OSBPL9: variants seen among roughly 807,000 people sequenced by gnomAD.
OSBPL9 encodes the protein oxysterol-binding protein-related protein 9.
Under a neutral mutation model 106.6 loss-of-function variants are expected in OSBPL9, and 40 were observed. That is an observed-to-expected ratio of 0.38 (90% confidence interval 0.29 to 0.49). The LOEUF is 0.49. Among genes scored for constraint, OSBPL9 ranks in the 20% least tolerant of loss-of-function variants. The probability of loss-of-function intolerance (pLI) is 0.97; values close to 1 mark genes in which losing one functional copy is unlikely to be tolerated. For synonymous variants in OSBPL9, 269 were observed against 295.4 expected, an observed-to-expected ratio of 0.91 and a Z score of 0.92; for missense variants, 609 against 887.2, an observed-to-expected ratio of 0.69 and a Z score of 3.98.
At chr1:51,565,840 C>T in the OSBPL9 span, 1 of 152,264 alleles carries the variant, frequency 6.6e-6, no homozygotes, top group Non-Finnish European at 1.5e-5. Flanking sequence ...TGGCTTGCCT[C>T]CCTGGCTCTC....
intron 3 of OSBPL9, among the ~76,000 whole-genome samples, chr1:51,705,399 ATTT>A (rs869169566): frequency 2.5e-5 from 1 of 40,442 alleles, no homozygotes; most frequent in African/African-American, 1.2e-4. Context: ...ATATATATAT[ATTT>A]TTTTTTTTTT....
chr1:51,631,883 G>A (rs1645127527), intron 1 of OSBPL9, among the ~76,000 whole-genome samples: 1 of 152,178 alleles, frequency 6.6e-6, no homozygotes, highest in South Asian at 2.1e-4. Flanking sequence ...TTTTGCAAAG[G>A]TGGCTTCAAA....
upstream of OSBPL9, chr1:51,574,127 G>A (rs1297910678): frequency 6.6e-6 from 1 of 152,190 alleles, no homozygotes; most frequent in Non-Finnish European, 1.5e-5. Context: ...TACAGGAACG[G>A]TAAAGGTATG....
At chr1:51,544,837 CTTTTT>C in the OSBPL9 span, among the ~76,000 whole-genome samples, 18 of 80,272 alleles carry the variant, frequency 2.2e-4, no homozygotes, top group Non-Finnish European at 2.7e-4. Context: ...AAGAGACATG[CTTTTT>C]TTTTTTTTTT....
intron 1 of OSBPL9, among the ~76,000 whole-genome samples, chr1:51,632,062 G>C (rs1365236904): frequency 1.3e-5 from 2 of 152,040 alleles, no homozygotes; most frequent in Non-Finnish European, 2.9e-5. Flanking sequence ...CCTACTGAAG[G>C]ACCTACCTGA....
chr1:51,736,897 A>G (rs1047345173), intron 4 of OSBPL9, among the ~76,000 whole-genome samples: 2 of 152,196 alleles, frequency 1.3e-5, no homozygotes, highest in East Asian at 3.8e-4. Context: ...AAAGTATCTC[A>G]GAAGAAAAGT....
At chr1:51,537,821 A>C in the OSBPL9 span, among the ~76,000 whole-genome samples, 2 of 152,126 alleles carry the variant, frequency 1.3e-5, no homozygotes, top group Admixed American at 6.5e-5. Context: ...GATTACAAGC[A>C]TGAGCCACTG....
At chr1:51,784,643 G>A in intron 20 of OSBPL9, 61 bp downstream of exon 20, 4 of 1,538,686 alleles carry the variant, frequency 2.6e-6, no homozygotes, top group South Asian at 1.2e-5. Flanking sequence ...CTTTTGTCTT[G>A]AACTACAGCT....
intron 15 of OSBPL9, among the ~76,000 whole-genome samples, chr1:51,778,810 A>G (rs1255007114): frequency 6.6e-6 from 1 of 152,166 alleles, no homozygotes; most frequent in Admixed American, 6.5e-5. Flanking sequence ...CTTTCTAAAC[A>G]CTACCCAACA....
At chr1:51,616,920 C>A (rs1164977523), upstream of OSBPL9, 7 of 988,874 alleles carry the variant, frequency 7.1e-6, no homozygotes, top group African/African-American at 1.6e-5. Context: ...ATTCTCGCAT[C>A]CGTGGCATGG....
chr1:51,725,961 G>A (rs1178702766), intron 4 of OSBPL9, among the ~76,000 whole-genome samples: 1 of 152,116 alleles, frequency 6.6e-6, no homozygotes, highest in Non-Finnish European at 1.5e-5. Flanking sequence ...GACTCCTCCA[G>A]AGCTTAACTA....
intron 4 of OSBPL9, among the ~76,000 whole-genome samples, chr1:51,716,982 A>G (rs1661181854): frequency 6.6e-6 from 1 of 151,454 alleles, no homozygotes; most frequent in Non-Finnish European, 1.5e-5. Flanking sequence ...CATTGTATTT[A>G]TATGTCCTTT....
At chr1:51,782,253 C>T (rs114684070) in intron 16 of OSBPL9, among the ~76,000 whole-genome samples, 1,905 of 152,292 alleles carry the variant, frequency 0.013, 39 homozygotes, top group African/African-American at 0.044. Context: ...AAGTGATGCA[C>T]TACGTATAGT....
chr1:51,637,905 A>C (rs1252848337), intron 1 of OSBPL9, among the ~76,000 whole-genome samples: 1 of 152,216 alleles, frequency 6.6e-6, no homozygotes, highest in Admixed American at 6.5e-5. Context: ...ACCTATTACC[A>C]GAATGTAACA....
intron 3 of OSBPL9, among the ~76,000 whole-genome samples, chr1:51,684,910 CTTCTTTT>C (rs554055205): frequency 0.025 from 3,453 of 140,600 alleles, 80 homozygotes; most frequent in Middle Eastern, 0.11. Context: ...CACTGCTCTT[CTTCTTTT>C]TTTTTTTTTT....
intron 2 of OSBPL9, among the ~76,000 whole-genome samples, chr1:51,598,992 C>CAA (rs986127011): frequency 9.0e-5 from 6 of 66,908 alleles, no homozygotes; most frequent in African/African-American, 2.1e-4. Context: ...GACTCTGTCT[C>CAA]AAAAAAAAAA....
intron 2 of OSBPL9, among the ~76,000 whole-genome samples, chr1:51,606,234 C>G (rs536003371): frequency 1.3e-5 from 2 of 152,188 alleles, no homozygotes; most frequent in Non-Finnish European, 2.9e-5. Context: ...AGGCGCCCCT[C>G]TTTGCCCAGA....
chr1:51,569,300 G>A, the OSBPL9 span, among the ~76,000 whole-genome samples: 1 of 152,162 alleles, frequency 6.6e-6, no homozygotes, highest in Non-Finnish European at 1.5e-5. Flanking sequence ...ACTGGAAAAT[G>A]TCTCCCTGTG....
At chr1:51,673,888 GT>G (rs75863412) in intron 3 of OSBPL9, among the ~76,000 whole-genome samples, 22,523 of 139,428 alleles carry the variant, frequency 0.16, 2,164 homozygotes, top group Non-Finnish European at 0.22. Context: ...CTCTAAAAAA[GT>G]TTTTTTTTTT....
Sources: gnomAD v4.1 joint callset for allele counts (sites outside exome capture counted in the v4.1 genomes callset) on GRCh38, gnomAD v4.1.1 for gene constraint, MANE v1.5 for transcripts, NCBI Gene and HGNC (gene_info 2026-07-23, HGNC 2026-07-21) for gene names.